The following PRMT8 variants were observed in gnomAD, a reference collection of about 807,000 sequenced individuals.
PRMT8 encodes protein arginine N-methyltransferase 8.
In PRMT8, 7 loss-of-function variants were observed where a neutral mutation model predicts 47.1. The observed-to-expected ratio is 0.15, with a 90% CI of 0.08 to 0.28. The LOEUF is 0.28. PRMT8 is among the 10% of genes least tolerant of loss of function. PRMT8 has a pLI of 1.00. For missense variants in PRMT8, 237 were observed against 505.4 expected (o/e 0.47, Z 5.09); for synonymous variants, 188 against 186.5 (o/e 1.01, Z -0.07).
intron 6 of PRMT8, among the ~76,000 whole-genome samples, chr12:3,575,728 G>A (rs142857038): frequency 6.6e-6 from 1 of 152,188 alleles, no homozygotes; most frequent in Admixed American, 6.5e-5. Context: ...ATCAATGACT[G>A]CAATTATTGG....
chr12:3,391,390 G>T (rs1468290438), intron 1 of PRMT8, among the ~76,000 whole-genome samples: 1 of 152,216 alleles, frequency 6.6e-6, no homozygotes, highest in Non-Finnish European at 1.5e-5. Context: ...AAGGCTAGAA[G>T]GAAGTCAGGG....
intron 1 of PRMT8, among the ~76,000 whole-genome samples, chr12:3,397,633 T>G (rs1246775221): frequency 6.6e-6 from 1 of 152,010 alleles, no homozygotes; most frequent in African/African-American, 2.4e-5. Flanking sequence ...ACAGGGACAT[T>G]TAAGTCTGCA....
chr12:3,465,959 C>A (rs989824772), intron 1 of PRMT8, among the ~76,000 whole-genome samples: 1 of 152,140 alleles, frequency 6.6e-6, no homozygotes, highest in African/African-American at 2.4e-5. Context: ...CAGAGAGAAA[C>A]TCTACATAGC....
In PRMT8 at chr12:3,483,535, A is replaced by G. The variant is rs12099775; in HGVS notation, c.49-57071A>G. Among the ~76,000 whole-genome samples the G allele has an allele frequency of 5.9e-5, 9 of 152,018 alleles. No homozygotes were observed. In the Middle Eastern group the frequency reaches 0.01, roughly 172 times the overall value. On this transcript the variant is annotated intron_variant, in intron 1 of 9. Coordinates refer to the PRMT8 transcript ENST00000452611. ...GGTTGAGAGGTACGCTGGGATAAACATGGGTTTTTGTTTCTCCATAGGTGA... is the reference window on the plus strand; with the variant it reads ...GGTTGAGAGGTACGCTGGGATAAACGTGGGTTTTTGTTTCTCCATAGGTGA...
In PRMT8 at chr12:3,436,977, A is replaced by C. The variant is rs1056224705; in HGVS notation, c.48+55535A>C. ...TTTGGCAAACATTTACTCACCTTCT[A>C]CTGTGTCCAAAGTACACAAAATAAG... On this transcript the variant is annotated intron_variant, in intron 1 of 9. Coordinates refer to the PRMT8 transcript ENST00000452611. The surrounding 1 kb of genome is among the most constrained non-coding windows in gnomAD (Gnocchi z 4.2). Among the ~76,000 whole-genome samples the C allele has an allele frequency of 4.2e-4, 64 of 152,202 alleles. No homozygotes were observed. The highest frequency in any genetic ancestry group is 1.4e-3 in the African/African-American group (60 of 41,446).
intron 1 of PRMT8, among the ~76,000 whole-genome samples, chr12:3,430,762 C>G (rs1010214164): frequency 6.6e-6 from 1 of 152,230 alleles, no homozygotes; most frequent in Non-Finnish European, 1.5e-5. Context: ...CATTCATTTA[C>G]TCGTCCATTC....
At chr12:3,533,288 G>T (rs1023139685) in intron 1 of PRMT8, among the ~76,000 whole-genome samples, 9 of 152,134 alleles carry the variant, frequency 5.9e-5, no homozygotes, top group African/African-American at 2.2e-4. Context: ...AGCAAGCTGG[G>T]GAGCCCGGGA....
intron 4 of PRMT8, among the ~76,000 whole-genome samples, chr12:3,556,385 G>C (rs916784027): frequency 2.6e-5 from 4 of 152,090 alleles, no homozygotes; most frequent in Admixed American, 1.3e-4. Flanking sequence ...GTCGGTTGAA[G>C]GGCATTCAGG....
chr12:3,478,315 CCTAT>C (rs1231943540), intron 1 of PRMT8, among the ~76,000 whole-genome samples: 2 of 139,906 alleles, frequency 1.4e-5, no homozygotes, highest in Admixed American at 7.1e-5. Flanking sequence ...TATCTACCTA[CCTAT>C]CTATCTGTCT....
intron 4 of PRMT8, among the ~76,000 whole-genome samples, chr12:3,567,965 T>A (rs564908027): frequency 6.6e-6 from 1 of 151,204 alleles, no homozygotes; most frequent in Non-Finnish European, 1.5e-5. Context: ...CCCAGCTACT[T>A]GGAGGCTGAG....
intron 1 of PRMT8, among the ~76,000 whole-genome samples, chr12:3,417,036 G>T (rs1211978558): frequency 2.6e-5 from 4 of 152,194 alleles, no homozygotes; most frequent in Non-Finnish European, 5.9e-5. Flanking sequence ...CTTATTAAGG[G>T]AACTATTATA....
chr12:3,471,039 G>A (rs11062665), intron 1 of PRMT8, among the ~76,000 whole-genome samples: 30,171 of 152,098 alleles, frequency 0.2, 3,230 homozygotes, highest in Non-Finnish European at 0.23. Flanking sequence ...TAAAGCTCTA[G>A]GGGCCTGGAA....
chr12:3,419,848 G>C (rs1241926025), intron 1 of PRMT8, among the ~76,000 whole-genome samples: 1 of 151,690 alleles, frequency 6.6e-6, no homozygotes, highest in Non-Finnish European at 1.5e-5. Context: ...GCCTCACACA[G>C]CACCCCAGCC....
intron 1 of PRMT8, among the ~76,000 whole-genome samples, chr12:3,466,297 G>A (rs2137091634): frequency 6.6e-6 from 1 of 152,282 alleles, no homozygotes; most frequent in South Asian, 2.1e-4. Flanking sequence ...GAGCTCTGGT[G>A]TGGCCGGTCT....
At position 3,515,753 on chromosome 12, in the gene PRMT8, G is replaced by A. The variant is rs570884294; in HGVS notation, c.75+24053G>A. Among the ~76,000 whole-genome samples, 3 of 152,330 alleles carry A rather than the reference G, an allele frequency of 2.0e-5. No individual in the cohort carries two copies. In the South Asian group the frequency reaches 6.2e-4, roughly 32 times the overall value. On this transcript the variant is annotated intron_variant, in intron 1 of 9. Coordinates refer to ENST00000382622, the MANE Select transcript of PRMT8 (RefSeq NM_019854.5). ...AGCCTGGTGTGGTTGAACTAGCAGG[G>A]CGGGCCCCATTCTCTAGCTTGCTCT...
intron 1 of PRMT8, among the ~76,000 whole-genome samples, chr12:3,392,843 T>C (rs1050086856): frequency 6.6e-6 from 1 of 152,100 alleles, no homozygotes; most frequent in Non-Finnish European, 1.5e-5. Context: ...GTAAAAGTGT[T>C]CCTATTTCTC....
intron 1 of PRMT8, among the ~76,000 whole-genome samples, chr12:3,513,140 GAT>G (rs1182553560): frequency 2.6e-5 from 4 of 152,218 alleles, no homozygotes; most frequent in African/African-American, 9.7e-5. Flanking sequence ...GAAGGACAAA[GAT>G]AGAGATAGAG....
Position 3,566,843 on chromosome 12 carries a change from AAT to A in PRMT8, c.482-1858_482-1857del, listed in dbSNP as rs1866728417. Among the ~76,000 whole-genome samples the A allele has an allele frequency of 1.3e-5, 2 of 152,212 alleles. No homozygotes were observed. Among genetic ancestry groups the A allele is most frequent in the Admixed American group, 1.3e-4 (2 of 15,288 alleles). On this transcript the variant is annotated intron_variant, in intron 4 of 9. Transcript: ENST00000382622. The surrounding 1 kb of genome is among the most constrained non-coding windows in gnomAD (Gnocchi z 4.7). ...TGCAGAATGAGAGTTTCAGAGCATG[AAT>A]ATATGTAACCTTTCAAAGGAAATGT... is the stretch of plus-strand genomic sequence containing the variant.
chr12:3,521,135 G>C (rs962991637), intron 1 of PRMT8, among the ~76,000 whole-genome samples: 9 of 152,170 alleles, frequency 5.9e-5, no homozygotes, highest in Admixed American at 2.0e-4. Flanking sequence ...CAAAATCAGG[G>C]CCACTCAAAC....
Sources: gnomAD v4.1 joint callset for allele counts (sites outside exome capture counted in the v4.1 genomes callset) on GRCh38, gnomAD v4.1.1 for gene constraint, Gnocchi (gnomAD v3.1) non-coding constraint, MANE v1.5 for transcripts, NCBI Gene and HGNC (gene_info 2026-07-23, HGNC 2026-07-21) for gene names.